Variants in AUH observed in about 807,000 individuals in gnomAD.
AUH encodes the protein AU RNA binding methylglutaconyl-CoA hydratase, also known as methylglutaconyl-CoA hydratase, mitochondrial.
Under a neutral mutation model 42.3 loss-of-function variants are expected in AUH, and 29 were observed. The observed-to-expected ratio is 0.69, with a 90% confidence interval of 0.51 to 0.93. The LOEUF is 0.93. AUH is among the 40% of genes least tolerant of loss of function. The pLI is 0.00. For missense variants in AUH, 452 were observed against 438.1 expected (o/e 1.03, Z -0.28); for synonymous variants, 174 against 166.4 (o/e 1.05, Z -0.35).
intron 4 of AUH, among the ~76,000 whole-genome samples, chr9:91,310,510 T>C (rs1828620064): frequency 6.6e-6 from 1 of 152,228 alleles, no homozygotes; most frequent in African/African-American, 2.4e-5. Flanking sequence ...ATATGGAAAG[T>C]ACCAGATGGT....
chr9:91,298,463 G>T (rs1827522984), intron 4 of AUH, among the ~76,000 whole-genome samples: 1 of 152,176 alleles, frequency 6.6e-6, no homozygotes, highest in South Asian at 2.1e-4. Flanking sequence ...TGAAATTTAT[G>T]ATCCTTTATG....
In AUH at chr9:91,217,214, G is replaced by A. The variant is rs747814597; in HGVS notation, c.894+63C>T. 7.6e-5 allele frequency: 114 copies of A among 1,498,566 alleles called. No homozygotes were observed. The Middle Eastern group carries it at 8.5e-4, about 11-fold the overall frequency. The allele number at this position is 1,498,566 out of a possible 1,614,324, so 92.8% of individuals were successfully genotyped here. On this transcript the variant is annotated intron_variant, in intron 8 of 9. Transcript: ENST00000375731. ...AAAAAAATGTAGAAGTCTAAACATG[G>A]TTCATTTAAATTAAATCTCCACTCT... is the stretch of plus-strand genomic sequence containing the variant.
At chr9:91,231,537 T>G (rs886950466) in intron 6 of AUH, among the ~76,000 whole-genome samples, 3 of 152,206 alleles carry the variant, frequency 2.0e-5, no homozygotes, top group Admixed American at 6.5e-5. Context: ...GGCTGGGAGC[T>G]GTAGACCGGA....
intron 4 of AUH, among the ~76,000 whole-genome samples, chr9:91,318,017 T>C (rs1371528213): frequency 1.3e-5 from 2 of 152,210 alleles, no homozygotes; most frequent in Non-Finnish European, 2.9e-5. Context: ...TGCTCACAAG[T>C]GAGGCTGTCT....
intron 6 of AUH, among the ~76,000 whole-genome samples, chr9:91,247,428 C>T (rs920592400): frequency 6.6e-6 from 1 of 152,144 alleles, no homozygotes; most frequent in Non-Finnish European, 1.5e-5. Flanking sequence ...CTCACTCTCA[C>T]AGCTGCACGC....
Position 91,284,442 on chromosome 9 carries a change from CA to C in AUH, c.655+11578del, listed in dbSNP as rs201604235. ...TCTAAAACACCAAAAGCAATGGCGA[CA>C]AAAGCCAAAATAGACAAATGGGATC... On this transcript the variant is annotated intron_variant, in intron 6 of 9. Coordinates refer to ENST00000375731, the MANE Select transcript of AUH (RefSeq NM_001698.3). 3.2e-4 allele frequency among the ~76,000 whole-genome samples: 49 copies of C among 152,276 alleles called. No homozygotes were observed. In the East Asian group the frequency reaches 7.5e-3, roughly 23 times the overall value.
chr9:91,219,098 A>G (rs1826984515), intron 7 of AUH: 1 of 934,620 alleles, frequency 1.1e-6, no homozygotes, highest in Non-Finnish European at 1.3e-6. Flanking sequence ...TGGCAGTGGA[A>G]GGAGGGAGCA....
intron 6 of AUH, among the ~76,000 whole-genome samples, chr9:91,249,592 C>T (rs1157428861): frequency 6.6e-6 from 1 of 152,150 alleles, no homozygotes; most frequent in East Asian, 1.9e-4. Flanking sequence ...CAAATATCTT[C>T]TGTACCTTTG....
intron 3 of AUH, among the ~76,000 whole-genome samples, chr9:91,334,340 A>C (rs538650044): frequency 1.1e-4 from 16 of 150,796 alleles, no homozygotes; most frequent in African/African-American, 3.9e-4. Context: ...GCAAAGAAGC[A>C]GCCCTTCCCA....
Position 91,216,036 on chromosome 9 carries a change from G to T in AUH, c.942+23C>A, listed in dbSNP as rs200626882. The T allele has an allele frequency of 1.2e-5, 19 of 1,596,778 alleles. No individual in the cohort carries two copies. In the Admixed American group the frequency reaches 2.5e-4, roughly 21 times the overall value. ...ATAATTTGTAAGGGTCATCCTCATT[G>T]AATTTGTGATTGCATTACATACCTG... is the stretch of plus-strand genomic sequence containing the variant. On this transcript the variant is annotated intron_variant, in intron 9 of 9. Transcript: ENST00000375731.
chr9:91,274,308 T>C lies in AUH; in HGVS notation c.655+21713A>G, dbSNP rs766821393. Among the ~76,000 whole-genome samples the C allele has an allele frequency of 1.4e-4, 21 of 152,324 alleles. No individual in the cohort carries two copies. In the Middle Eastern group the frequency reaches 0.014, roughly 99 times the overall value. On this transcript the variant is annotated intron_variant, in intron 6 of 9. Transcript: ENST00000375731. The stretch of plus-strand genomic sequence containing the variant: ...AATGGGCTAGATACTGTTAATACAG[T>C]AGTCAATCAAATGAAACAGTTCCTT...
chr9:91,310,546 C>A (rs984755015), intron 4 of AUH, among the ~76,000 whole-genome samples: 1 of 152,132 alleles, frequency 6.6e-6, no homozygotes, highest in South Asian at 2.1e-4. Context: ...TTTCTGATTC[C>A]ACATCAAGAG....
intron 4 of AUH, among the ~76,000 whole-genome samples, chr9:91,320,226 C>T (rs182764940): frequency 5.3e-5 from 8 of 152,288 alleles, no homozygotes; most frequent in African/African-American, 7.2e-5. Context: ...TACAAATATA[C>T]GGTTTTAGAA....
rs147117508 is a variant in AUH at position 91,239,168 on chromosome 9, T to TC, written c.656-18177_656-18176insG. On this transcript the variant is annotated intron_variant, in intron 6 of 9. Transcript: ENST00000375731. ...AGCTTTTTGTTCTGTTTTTTTTTTTTATCCTTCATCTTTTCCCTTCTCAAG... is the reference window on the plus strand; with the variant it reads ...AGCTTTTTGTTCTGTTTTTTTTTTTTCATCCTTCATCTTTTCCCTTCTCAAG... Among the ~76,000 whole-genome samples, 2,703 of 151,426 alleles carry TC rather than the reference T, an allele frequency of 0.018. 159 individuals carry two copies. The East Asian group carries it at 0.21, about 12-fold the overall frequency.
chr9:91,217,362 T>C (rs774202555), intron 7 of AUH, 35 bp from the exon 8 acceptor site: 1 of 1,588,662 alleles, frequency 6.3e-7, no homozygotes, highest in African/African-American at 1.3e-5. Flanking sequence ...ACTTCAATTA[T>C]TTTTTATGCA....
In AUH at chr9:91,297,968, C is replaced by T; in HGVS notation, c.598+16G>A. Reference sequence around the variant, plus strand: ...TCACTTTTTTAAATTATGTTTTTAACAGGATTAATTCTTACCTGCTACTCG... The same window carrying T: ...TCACTTTTTTAAATTATGTTTTTAATAGGATTAATTCTTACCTGCTACTCG... On this transcript the variant is annotated intron_variant, in intron 5 of 9. Coordinates refer to ENST00000375731, the MANE Select transcript of AUH (RefSeq NM_001698.3). The T allele has an allele frequency of 6.4e-7, 1 of 1,562,702 alleles. No individual in the cohort carries two copies.
At chr9:91,356,541 C>T (rs1199957885) in intron 1 of AUH, among the ~76,000 whole-genome samples, 1 of 152,176 alleles carries the variant, frequency 6.6e-6, no homozygotes, top group Non-Finnish European at 1.5e-5. Flanking sequence ...TCATACTACA[C>T]AGTTTTCAGT....
At chr9:91,361,252 TA>T (rs1564140146) in intron 1 of AUH, among the ~76,000 whole-genome samples, 2 of 152,160 alleles carry the variant, frequency 1.3e-5, no homozygotes, top group Admixed American at 1.3e-4. Flanking sequence ...CCACCACTAA[TA>T]GCTGAGTTTA....
chr9:91,262,904 T>C (rs1829777736), intron 6 of AUH, among the ~76,000 whole-genome samples: 1 of 152,110 alleles, frequency 6.6e-6, no homozygotes, highest in Admixed American at 6.6e-5. Context: ...GAGGGATAAA[T>C]AGGAATTATC....
Sources: gnomAD v4.1 joint callset for allele counts (sites outside exome capture counted in the v4.1 genomes callset) on GRCh38, gnomAD v4.1.1 for gene constraint, MANE v1.5 for transcripts, NCBI Gene and HGNC (gene_info 2026-07-23, HGNC 2026-07-21) for gene names.